Variants in EIF4G3 observed in about 807,000 individuals in gnomAD.
The protein encoded by EIF4G3 is eukaryotic translation initiation factor 4 gamma 3.
A neutral mutation model predicts 186.4 loss-of-function variants in EIF4G3; 34 were observed. The ratio of observed to expected loss-of-function variants is 0.18; its 90% confidence interval spans 0.14 to 0.24. The LOEUF (loss-of-function observed/expected upper bound fraction) is 0.24. Among genes scored for constraint, EIF4G3 ranks in the 10% least tolerant of loss-of-function variants. The probability of loss-of-function intolerance (pLI) is 1.00; values close to 1 mark genes in which losing one functional copy is unlikely to be tolerated. For missense variants in EIF4G3, 1,536 were observed against 1,948.5 expected (o/e 0.79, Z 3.99); for synonymous variants, 673 against 679.5 (o/e 0.99, Z 0.15).
rs184154798 is a variant in EIF4G3, at chr1:21,126,347, T to C, written c.-271-37134A>G. On this transcript the variant is annotated intron_variant, in intron 2 of 36. Coordinates refer to ENST00000602326, the MANE Select transcript of EIF4G3 (RefSeq NM_001391906.1). ...CTTAACCACAATACTACATTGAATT[T>C]ATATAAAGTATTGATTCTTAAGCTT... Among the ~76,000 whole-genome samples the C allele has an allele frequency of 2.1e-3, 324 of 152,100 alleles. 2 individuals are homozygous for C. Among genetic ancestry groups the C allele is most frequent in the African/African-American group, 7.3e-3 (302 of 41,474 alleles).
At chr1:20,816,675 C>T (rs2061046671) in intron 34 of EIF4G3, among the ~76,000 whole-genome samples, 1 of 112,796 alleles carries the variant, frequency 8.9e-6, no homozygotes, top group South Asian at 3.7e-4. Flanking sequence ...AGGGGCGCTT[C>T]TGCCCGGCCG....
chr1:20,940,095 A>C (rs2095660594), intron 14 of EIF4G3, among the ~76,000 whole-genome samples: 1 of 151,894 alleles, frequency 6.6e-6, no homozygotes, highest in African/African-American at 2.4e-5. Flanking sequence ...AGCTCAGGCA[A>C]TCCACCTACC....
intron 33 of EIF4G3, among the ~76,000 whole-genome samples, chr1:20,820,866 A>C (rs2062172235): frequency 6.6e-6 from 1 of 152,126 alleles, no homozygotes; most frequent in South Asian, 2.1e-4. Flanking sequence ...AGAAATGTCC[A>C]AACGACCTGC....
intron 30 of EIF4G3, among the ~76,000 whole-genome samples, chr1:20,833,505 G>C (rs1444202163): frequency 6.6e-6 from 1 of 152,056 alleles, no homozygotes. Context: ...AGGAGATTTT[G>C]GGCTGAGACA....
intron 6 of EIF4G3, chr1:20,998,723 C>T (rs1045203773): frequency 1.3e-5 from 3 of 231,450 alleles, no homozygotes; most frequent in Non-Finnish European, 1.8e-5. Flanking sequence ...TAATATTAAC[C>T]GGGGTATGTA....
chr1:21,092,859 C>G (rs2096248637), intron 2 of EIF4G3, among the ~76,000 whole-genome samples: 2 of 152,130 alleles, frequency 1.3e-5, no homozygotes, highest in Admixed American at 1.3e-4. Flanking sequence ...AAAAGATTCC[C>G]TATTTAATAA....
chr1:20,876,854 G>A (rs1200419689), intron 20 of EIF4G3, among the ~76,000 whole-genome samples: 3 of 151,968 alleles, frequency 2.0e-5, no homozygotes, highest in Non-Finnish European at 4.4e-5. Context: ...AAAATAGCCA[G>A]GCCTGGTGGT....
At chr1:20,820,516 G>C (rs527513394) in intron 33 of EIF4G3, among the ~76,000 whole-genome samples, 8 of 152,302 alleles carry the variant, frequency 5.3e-5, no homozygotes, top group Non-Finnish European at 1.0e-4. Flanking sequence ...TGGGTGGAAG[G>C]GGGCAGGGTC....
intron 11 of EIF4G3, among the ~76,000 whole-genome samples, 195 bp downstream of exon 11, chr1:20,972,807 G>A (rs1201378432): frequency 6.6e-6 from 1 of 151,812 alleles, no homozygotes; most frequent in Non-Finnish European, 1.5e-5. Context: ...ATGATATTAT[G>A]CAAATGGTAT....
intron 2 of EIF4G3, among the ~76,000 whole-genome samples, chr1:21,149,075 AAC>A (rs2097506556): frequency 6.6e-6 from 1 of 151,796 alleles, no homozygotes; most frequent in African/African-American, 2.4e-5. Context: ...CAGCCTGAGC[AAC>A]AGAGACTCTA....
At chr1:20,939,676 C>T (rs932729240) in intron 14 of EIF4G3, among the ~76,000 whole-genome samples, 1 of 151,940 alleles carries the variant, frequency 6.6e-6, no homozygotes, top group Non-Finnish European at 1.5e-5. Flanking sequence ...TTTTTCTTTG[C>T]TTTTACATTT....
At position 20,813,164 on chromosome 1, in the gene EIF4G3, T is replaced by C. The variant is rs1172522036; in HGVS notation, c.4591A>G (p.Ile1531Val). Residue 1531 changes from isoleucine (I) to valine (V), a missense_variant, in exon 35 of 37, where the codon ATT becomes GTT. Physicochemically the swap from Ile to Val is conservative, Grantham distance 29 (BLOSUM62 3). Around this residue, in one of 11 missense-constraint regions of EIF4G3, gnomAD observed 395 missense variants for 498.9 expected, o/e 0.79. Transcript: ENST00000602326. ...CTTCAGAAATGTTACTTACCTATAA[T>C]AGCTGCTTTACAAACAGCAGTCATT... ...ALMTAVCKAA[I>V]IADSSTFRVD... The C allele has an allele frequency of 6.2e-7, 1 of 1,609,020 alleles. No homozygotes were observed. The highest frequency in any genetic ancestry group is 1.7e-5 in the Admixed American group (1 of 59,984).
intron 2 of EIF4G3, among the ~76,000 whole-genome samples, chr1:21,089,538 A>G (rs576404008): frequency 6.6e-6 from 1 of 152,240 alleles, no homozygotes; most frequent in African/African-American, 2.4e-5. Context: ...CAGTGGCTCA[A>G]GCCTATAATC....
chr1:20,817,064 C>T (rs890348391), intron 34 of EIF4G3, among the ~76,000 whole-genome samples: 1 of 137,652 alleles, frequency 7.3e-6, no homozygotes, highest in South Asian at 2.4e-4. Context: ...TAAGAGTCAT[C>T]ACCACTCCCT....
intron 4 of EIF4G3, among the ~76,000 whole-genome samples, chr1:21,039,473 C>A (rs1437897347): frequency 6.6e-6 from 1 of 152,238 alleles, no homozygotes; most frequent in East Asian, 1.9e-4. Context: ...AAAGCACAGA[C>A]AACAAAAGAT....
intron 3 of EIF4G3, among the ~76,000 whole-genome samples, chr1:21,072,388 A>C (rs1041230695): frequency 6.6e-6 from 1 of 151,768 alleles, no homozygotes; most frequent in Non-Finnish European, 1.5e-5. Flanking sequence ...AAGACATTTA[A>C]TTTTTTTATT....
intron 10 of EIF4G3, among the ~76,000 whole-genome samples, chr1:20,977,991 ATGT>A (rs995957687): frequency 6.6e-6 from 1 of 152,210 alleles, no homozygotes; most frequent in African/African-American, 2.4e-5. Flanking sequence ...TTTAAAAATG[ATGT>A]TGTAAATTAG....
At chr1:20,933,736 C>T (rs2095421226) in intron 14 of EIF4G3, among the ~76,000 whole-genome samples, 1 of 152,010 alleles carries the variant, frequency 6.6e-6, no homozygotes, top group Admixed American at 6.6e-5. Flanking sequence ...AAGGGAGGTT[C>T]GTCAACAGTG....
At chr1:20,838,573 A>G (rs2067454135) in intron 30 of EIF4G3, among the ~76,000 whole-genome samples, 1 of 152,156 alleles carries the variant, frequency 6.6e-6, no homozygotes, top group African/African-American at 2.4e-5. Flanking sequence ...TAAAACTGGG[A>G]AACCATCCTG....
Sources: allele counts gnomAD v4.1 joint callset (sites outside exome capture counted in the v4.1 genomes callset), GRCh38; gene constraint gnomAD v4.1.1; regional missense constraint gnomAD v4.1.1; transcripts MANE v1.5; gene names NCBI Gene and HGNC (gene_info 2026-07-23, HGNC 2026-07-21).